Variants in SASH1 observed in about 807,000 individuals in gnomAD.
SASH1 encodes the protein SAM and SH3 domain-containing protein 1.
Under a neutral mutation model 125.2 loss-of-function variants are expected in SASH1, and 44 were observed. That is an observed-to-expected ratio of 0.35 (90% CI 0.28 to 0.45). The LOEUF is 0.45. Ranked by LOEUF, SASH1 falls within the 20% of genes least tolerant of loss-of-function variation. SASH1 has a pLI of 1.00. For synonymous variants in SASH1, 639 were observed against 649.1 expected, an observed-to-expected ratio of 0.98 and a Z score of 0.24; for missense variants, 1,426 against 1,614.5, an observed-to-expected ratio of 0.88 and a Z score of 2.00.
rs1313785582 is a variant in SASH1 at position 148,529,006 on chromosome 6, T to C, written c.1428+1410T>C. Among the ~76,000 whole-genome samples the C allele has an allele frequency of 1.3e-5, 2 of 152,048 alleles. No homozygotes were observed. Among genetic ancestry groups the C allele is most frequent in the African/African-American group, 4.8e-5 (2 of 41,402 alleles). ...AACAGCGTGCAACCTAGATGCCTCG[T>C]GTGCACAATTCACAATAGGATTCGT... On this transcript the variant is annotated intron_variant, in intron 12 of 19. Transcript: ENST00000367467. The surrounding 1 kb of genome is among the most constrained non-coding windows in gnomAD (Gnocchi z 4.2).
chr6:148,386,235 G>T (rs531982946), intron 1 of SASH1, among the ~76,000 whole-genome samples: 3 of 152,148 alleles, frequency 2.0e-5, no homozygotes, highest in Non-Finnish European at 4.4e-5. Context: ...ATTGAGTTTG[G>T]TTTTTCTACA....
At chr6:148,206,004 C>CT in the SASH1 span, among the ~76,000 whole-genome samples, 1 of 152,146 alleles carries the variant, frequency 6.6e-6, no homozygotes, top group Admixed American at 6.5e-5. Flanking sequence ...GCTTTAGGCA[C>CT]TTTTGCCTTC....
intron 2 of SASH1, among the ~76,000 whole-genome samples, chr6:148,417,234 GT>G (rs1350215296): frequency 6.6e-6 from 1 of 152,182 alleles, no homozygotes; most frequent in Non-Finnish European, 1.5e-5. Context: ...AAGGAAGCCT[GT>G]TATCAGCCCT....
At chr6:148,208,839 C>T in the SASH1 span, among the ~76,000 whole-genome samples, 29 of 152,250 alleles carry the variant, frequency 1.9e-4, no homozygotes, top group African/African-American at 6.3e-4. Context: ...TGACTGAATA[C>T]GGTTACTAAT....
chr6:148,535,500 A>T (rs758259033), intron 16 of SASH1, among the ~76,000 whole-genome samples: 9 of 152,226 alleles, frequency 5.9e-5, no homozygotes, highest in Non-Finnish European at 1.2e-4. Flanking sequence ...AATGAAATTC[A>T]TCAGCTTTCG....
At chr6:148,421,173 G>C (rs904566947) in intron 2 of SASH1, among the ~76,000 whole-genome samples, 1 of 139,318 alleles carries the variant, frequency 7.2e-6, no homozygotes, top group Non-Finnish European at 1.6e-5. Context: ...AAGAAAGAAA[G>C]AAAGAAAGAA....
At chr6:148,431,342 A>G (rs1776052666) in intron 2 of SASH1, among the ~76,000 whole-genome samples, 1 of 151,968 alleles carries the variant, frequency 6.6e-6, no homozygotes, top group African/African-American at 2.4e-5. Flanking sequence ...GGGACTACAG[A>G]TGCCGGCCTC....
At chr6:148,208,773 C>T in the SASH1 span, among the ~76,000 whole-genome samples, 4 of 152,138 alleles carry the variant, frequency 2.6e-5, no homozygotes, top group Admixed American at 2.6e-4. Context: ...CCTATTTCTT[C>T]ATCTTTGACA....
In SASH1 at chr6:148,429,385, T is replaced by TAAAAA. The variant is rs61460366; in HGVS notation, c.286-10776_286-10772dup. On this transcript the variant is annotated intron_variant, in intron 2 of 19. Coordinates refer to ENST00000367467, the MANE Select transcript of SASH1 (RefSeq NM_015278.5). ...GGTGACAGAGCAAGACCCTGTCTCT[T>TAAAAA]AAAAAAAAAAAAAAAAAAAAAAAAA... is the stretch of plus-strand genomic sequence containing the variant. Among the ~76,000 whole-genome samples, 135 of 73,936 alleles carry TAAAAA rather than the reference T, an allele frequency of 1.8e-3. 2 individuals are homozygous for TAAAAA. The highest frequency in any genetic ancestry group is 0.027 in the Middle Eastern group (2 of 74). The allele number at this position is 73,936 out of a possible 152,430, so 48.5% of individuals were successfully genotyped here. A position where few individuals can be genotyped will look rare whatever the true frequency, so the allele number is the denominator to read the frequency against.
intron 1 of SASH1, among the ~76,000 whole-genome samples, chr6:148,311,287 A>G (rs947310489): frequency 6.6e-6 from 1 of 151,300 alleles, no homozygotes; most frequent in Non-Finnish European, 1.5e-5. Flanking sequence ...TTTTATTTTT[A>G]GTAGAGACAG....
rs1781519504 is a variant in SASH1, at chr6:148,531,576, C to A, written c.1479C>A (p.Asp493Glu). 1.9e-6 allele frequency: 3 copies of A among 1,574,582 alleles called. No individual in the cohort carries two copies. The highest frequency in any genetic ancestry group is 2.6e-6 in the Non-Finnish European group (3 of 1,159,562). Residue 493 changes from aspartate to glutamate, a missense_variant, in exon 13 of 20, where the codon GAC (aspartate) becomes GAA (glutamate). Physicochemically the swap from Asp to Glu is conservative, Grantham distance 45. Coordinates refer to ENST00000367467, the MANE Select transcript of SASH1 (RefSeq NM_015278.5). Reference sequence around the variant, plus strand: ...GCTCCCCTCCGCCTTCACAGCCCGACCCCGAACACTTGGACAAGCCCAAGC... The same window carrying A: ...GCTCCCCTCCGCCTTCACAGCCCGAACCCGAACACTTGGACAAGCCCAAGC... ...MPGSPPPSQP[D>E]PEHLDKPKLK... is the part of the protein sequence containing the mutation.
chr6:148,411,566 T>G (rs1433963855), intron 2 of SASH1, among the ~76,000 whole-genome samples: 4 of 152,154 alleles, frequency 2.6e-5, no homozygotes, highest in African/African-American at 9.7e-5. Flanking sequence ...TTTTTTGAGA[T>G]AGAGTTTTAC....
chr6:148,362,113 G>C (rs539145917), intron 1 of SASH1, among the ~76,000 whole-genome samples: 1 of 151,358 alleles, frequency 6.6e-6, no homozygotes, highest in East Asian at 2.0e-4. Context: ...ATTTTTAGTA[G>C]AGACGGGGTT....
chr6:148,273,231 G>C (rs1182110804), intron 1 of SASH1, among the ~76,000 whole-genome samples: 3 of 151,810 alleles, frequency 2.0e-5, no homozygotes. Flanking sequence ...CTGCACTCTA[G>C]CCTTGGTGAC....
intron 1 of SASH1, among the ~76,000 whole-genome samples, chr6:148,347,564 C>A (rs4279457): frequency 0.87 from 131,670 of 152,150 alleles, 57,226 homozygotes; most frequent in East Asian, 0.92. Flanking sequence ...CAGTGTGGGG[C>A]GGGGAGATGT....
At chr6:148,457,216 A>C (rs770022423) in intron 4 of SASH1, among the ~76,000 whole-genome samples, 1 of 131,686 alleles carries the variant, frequency 7.6e-6, no homozygotes, top group South Asian at 2.3e-4. Flanking sequence ...TTTTATGCCT[A>C]CTGAAGAATC....
the SASH1 span, among the ~76,000 whole-genome samples, chr6:148,218,024 A>AT: frequency 9.3e-4 from 141 of 151,394 alleles, 2 homozygotes; most frequent in Admixed American, 3.5e-3. Flanking sequence ...CAAAAAAAAA[A>AT]AAATAAATAA....
chr6:148,278,312 C>T (rs754752323), intron 1 of SASH1, among the ~76,000 whole-genome samples: 10 of 152,184 alleles, frequency 6.6e-5, no homozygotes, highest in Non-Finnish European at 1.2e-4. Context: ...GCTGGGATTA[C>T]AGCCGTGAGC....
chr6:148,499,517 G>A (rs1779473667), intron 8 of SASH1, among the ~76,000 whole-genome samples: 1 of 152,188 alleles, frequency 6.6e-6, no homozygotes, highest in South Asian at 2.1e-4. Flanking sequence ...TTGGGTTTGA[G>A]AAAAGGATTA....
Sources: allele counts gnomAD v4.1 joint callset (sites outside exome capture counted in the v4.1 genomes callset), GRCh38; gene constraint gnomAD v4.1.1; non-coding constraint Gnocchi (gnomAD v3.1); transcripts MANE v1.5; gene names NCBI Gene and HGNC (gene_info 2026-07-23, HGNC 2026-07-21).